Variants in SERPINE2 observed in about 807,000 individuals in gnomAD.
SERPINE2 encodes serpin family E member 2, also known as glia-derived nexin.
In SERPINE2, 14 loss-of-function variants were observed where a neutral mutation model predicts 36.3. The observed-to-expected ratio is 0.39, with a 90% CI of 0.25 to 0.60. The LOEUF (loss-of-function observed/expected upper bound fraction) is 0.60. Among genes scored for constraint, SERPINE2 ranks in the 20% least tolerant of loss-of-function variants. SERPINE2 has a pLI of 0.57. For missense variants in SERPINE2, 418 were observed against 499.6 expected, an observed-to-expected ratio of 0.84 and a Z score of 1.56; for synonymous variants, 192 against 191.8, an observed-to-expected ratio of 1.00 and a Z score of -0.01.
intron 3 of SERPINE2, among the ~76,000 whole-genome samples, chr2:223,992,757 T>C (rs768721948): frequency 2.0e-4 from 30 of 152,186 alleles, no homozygotes; most frequent in Non-Finnish European, 2.6e-4. Context: ...ACACATTGTA[T>C]ACATGTATCA....
At chr2:224,005,065 T>TTATATATTTTTATATATATATATATATA (rs1553547022) in intron 1 of SERPINE2, among the ~76,000 whole-genome samples, 1 of 33,560 alleles carries the variant, frequency 3.0e-5, no homozygotes, top group Non-Finnish European at 6.4e-5. Flanking sequence ...TTTATATATA[T>TTATATATTTTTATATATATATATATATA]TATATATATA....
At chr2:223,983,966 A>AC (rs1188932885) in intron 5 of SERPINE2, among the ~76,000 whole-genome samples, 1 of 81,314 alleles carries the variant, frequency 1.2e-5, no homozygotes, top group Non-Finnish European at 3.9e-5. Flanking sequence ...GGCTTATTTT[A>AC]CAAAAAAAAA....
At chr2:224,005,345 T>G (rs1264221329) in intron 1 of SERPINE2, among the ~76,000 whole-genome samples, 3 of 151,978 alleles carry the variant, frequency 2.0e-5, no homozygotes, top group African/African-American at 7.3e-5. Context: ...TTCATAAAAG[T>G]GCACTGGGAC....
chr2:224,023,141 A>G (rs1692068871), intron 1 of SERPINE2, among the ~76,000 whole-genome samples: 2 of 152,242 alleles, frequency 1.3e-5, no homozygotes, highest in African/African-American at 4.8e-5. Context: ...CAAGCCTCCT[A>G]TAACAAGTGG....
chr2:223,998,140 A>G lies in SERPINE2; in HGVS notation c.462T>C (p.Asn154=), dbSNP rs1268351557. ...EDPASACDSI[N]AWVKNETRDM... ...CCCTGGTTTCATTTTTAACCCATGC[A>G]TTGATGGAATCACAGGCAGAGGCTG... The change falls in exon 3 of 9, where the codon AAT becomes AAC. Residue 154 remains asparagine, a synonymous_variant. Transcript: ENST00000409304. The G allele has an allele frequency of 1.9e-6, 3 of 1,614,214 alleles. No homozygotes were observed. The East Asian group carries it at 6.7e-5, about 36-fold the overall frequency.
chr2:223,980,482 G>A, intron 6 of SERPINE2, 85 bp from the exon 7 acceptor site: 3 of 1,203,718 alleles, frequency 2.5e-6, no homozygotes, highest in East Asian at 2.4e-5. Context: ...AAAGCTCAAA[G>A]CCATGGCAAA....
At chr2:224,031,278 G>C (rs1365883026) in intron 1 of SERPINE2, 1 of 985,124 alleles carries the variant, frequency 1.0e-6, no homozygotes, top group Admixed American at 6.1e-5. Context: ...CATACTGCGT[G>C]ACCGTGGACC....
At chr2:223,979,447 A>G (rs905731983) in intron 7 of SERPINE2, 1 of 152,242 alleles carries the variant, frequency 6.6e-6, no homozygotes, top group Non-Finnish European at 1.5e-5. Flanking sequence ...GAGAAAGGCA[A>G]TAACACATCT....
intron 4 of SERPINE2, among the ~76,000 whole-genome samples, chr2:223,991,333 C>T (rs1036725978): frequency 1.3e-5 from 2 of 152,190 alleles, no homozygotes; most frequent in East Asian, 1.9e-4. Context: ...ATCCCTGCCA[C>T]GAACAGTGCC....
intron 1 of SERPINE2, among the ~76,000 whole-genome samples, chr2:224,005,096 T>TATATATATATAA (rs1251441985): frequency 8.3e-5 from 11 of 132,006 alleles, no homozygotes; most frequent in African/African-American, 2.4e-4. Flanking sequence ...TATATATATA[T>TATATATATATAA]AAAACATTGT....
At chr2:223,979,839 A>G (rs1690155489) in intron 7 of SERPINE2, 1 of 152,644 alleles carries the variant, frequency 6.6e-6, no homozygotes, top group African/African-American at 2.4e-5. Context: ...AAGCCAGAAC[A>G]TGTTTTATCC....
At chr2:224,016,130 G>A (rs1348424500) in intron 1 of SERPINE2, among the ~76,000 whole-genome samples, 1 of 152,212 alleles carries the variant, frequency 6.6e-6, no homozygotes, top group East Asian at 1.9e-4. Context: ...AACACCAATT[G>A]CTGGTGAGGA....
intron 4 of SERPINE2, among the ~76,000 whole-genome samples, chr2:223,988,891 T>C (rs1232461439): frequency 3.3e-5 from 5 of 152,234 alleles, no homozygotes; most frequent in Non-Finnish European, 5.9e-5. Flanking sequence ...CACAAAAAGT[T>C]GTCCACTCTC....
Position 224,002,173 on chromosome 2 carries a change from C to T in SERPINE2, c.-22-251G>A, listed in dbSNP as rs945640595. Among the ~76,000 whole-genome samples the T allele has an allele frequency of 3.3e-5, 5 of 152,148 alleles. No homozygotes were observed. In the East Asian group the frequency reaches 9.7e-4, roughly 29 times the overall value. On this transcript the variant is annotated intron_variant, in intron 1 of 8. Coordinates refer to ENST00000409304, the MANE Select transcript of SERPINE2 (RefSeq NM_001136528.2). Reference sequence around the variant, plus strand: ...TGTATTTTTAGTAGAGATGGGATTTCACCATGTTGGCCAGGCTGGTCTCAA... The same window carrying T: ...TGTATTTTTAGTAGAGATGGGATTTTACCATGTTGGCCAGGCTGGTCTCAA...
chr2:224,031,365 G>A (rs1165519322), intron 1 of SERPINE2: 7 of 985,290 alleles, frequency 7.1e-6, no homozygotes, highest in Non-Finnish European at 7.2e-6. Context: ...AGGCAGGCAC[G>A]AGGCTCTAGG....
At position 224,004,946 on chromosome 2, in the gene SERPINE2, G is replaced by A. The variant is rs1691334332; in HGVS notation, c.-22-3024C>T. ...ATTCAGAAGACATGAACATTAAACT[G>A]GTTTTGCCTCTGGTAGCTTAAAGTT... On this transcript the variant is annotated intron_variant, in intron 1 of 8. Coordinates refer to ENST00000409304, the MANE Select transcript of SERPINE2 (RefSeq NM_001136528.2). Among the ~76,000 whole-genome samples, 3 of 147,104 alleles carry A rather than the reference G, an allele frequency of 2.0e-5. No homozygotes were observed. In the South Asian group the frequency reaches 6.3e-4, roughly 31 times the overall value.
rs369465480 is a variant in SERPINE2, at chr2:223,991,124, A to G, written c.685+679T>C. 6.6e-5 allele frequency among the ~76,000 whole-genome samples: 10 copies of G among 152,184 alleles called. No individual in the cohort carries two copies. The East Asian group carries it at 1.2e-3, about 18-fold the overall frequency. On this transcript the variant is annotated intron_variant, in intron 4 of 8. Transcript: ENST00000409304. The stretch of plus-strand genomic sequence containing the variant: ...AAGCGAGATTGATATCTGCTGTTTT[A>G]TATCTCGTTTTCTGAAATCAATCAT...
At chr2:224,024,827 G>T (rs1180409200) in intron 1 of SERPINE2, among the ~76,000 whole-genome samples, 1 of 152,184 alleles carries the variant, frequency 6.6e-6, no homozygotes, top group Non-Finnish European at 1.5e-5. Context: ...GACAATGGAA[G>T]TTCTCCTTCT....
At chr2:224,036,885 G>C (rs1472691126) in intron 1 of SERPINE2, among the ~76,000 whole-genome samples, 1 of 152,058 alleles carries the variant, frequency 6.6e-6, no homozygotes, top group East Asian at 1.9e-4. Context: ...TAAGAAAAGG[G>C]AGTAACACTC....
Sources: gnomAD v4.1 joint callset for allele counts (sites outside exome capture counted in the v4.1 genomes callset) on GRCh38, gnomAD v4.1.1 for gene constraint, MANE v1.5 for transcripts, NCBI Gene and HGNC (gene_info 2026-07-23, HGNC 2026-07-21) for gene names.